The following VPS11 variants were observed in gnomAD, a reference collection of about 807,000 sequenced individuals.
The protein encoded by VPS11 is vacuolar protein sorting-associated protein 11 homolog.
VPS11 carries 51 observed loss-of-function variants against 106.8 expected under a neutral mutation model. The ratio of observed to expected loss-of-function variants is 0.48; its 90% CI spans 0.38 to 0.60. The LOEUF (loss-of-function observed/expected upper bound fraction) is 0.60, where lower values mean the gene tolerates loss of function less well. Ranked by LOEUF, VPS11 falls within the 20% of genes least tolerant of loss-of-function variation. VPS11 has a pLI of 0.00. For synonymous variants in VPS11, 453 were observed against 458.7 expected (o/e 0.99, Z 0.16); for missense variants, 950 against 1,190.0 (o/e 0.80, Z 2.97).
In VPS11 at chr11:119,073,887, A is replaced by T; in HGVS notation, c.1174A>T (p.Met392Leu). Residue 392 changes from methionine to leucine, a missense_variant, in exon 7 of 16, where the codon ATG (methionine) becomes TTG (leucine). Met to Leu is a conservative substitution (Grantham distance 15). Coordinates refer to ENST00000621676, the MANE Select transcript of VPS11 (RefSeq NM_021729.6). Reference protein sequence around the residue: ...LDSDGLAQIFMQYGDHLYSKG... With the variant: ...LDSDGLAQIFLQYGDHLYSKG... ...CAGTGATGGGCTGGCCCAGATTTTC[A>T]TGCAGTATGGAGACCATCTCTACAG... 6.2e-7 allele frequency: 1 copy of T among 1,613,922 alleles called. No homozygotes were observed. The highest frequency in any genetic ancestry group is 1.1e-5 in the South Asian group (1 of 91,074).
At chr11:119,070,003 T>TAAATAAATAAATAAATAAAG in intron 3 of VPS11, among the ~76,000 whole-genome samples, 1 of 149,836 alleles carries the variant, frequency 6.7e-6, no homozygotes, top group Non-Finnish European at 1.5e-5. Context: ...TGTCTCAAAA[T>TAAATAAATAAATAAATAAAG]AAATAAATAA....
intron 7 of VPS11, 184 bp from the exon 8 acceptor site, chr11:119,076,713 G>A: frequency 1.5e-6 from 1 of 657,962 alleles, no homozygotes; most frequent in Non-Finnish European, 2.5e-6. Context: ...GTTACCCAGT[G>A]TGGTCCACAG....
Position 119,081,848 on chromosome 11 carries a change from G to A in VPS11, c.*225G>A. The A allele has an allele frequency of 1.7e-6, 1 of 583,810 alleles. No homozygotes were observed. Among genetic ancestry groups the A allele is most frequent in the Non-Finnish European group, 2.9e-6 (1 of 347,172 alleles). 36.2% of individuals were successfully genotyped at this position (583,810 alleles called of 1,614,324 possible). A position where few individuals can be genotyped will look rare whatever the true frequency, so the allele number is the denominator to read the frequency against. ...AGTGTAGATCATTCCAGATCAGTGG[G>A]GGAGGGCACCTCAGCAACCTCTGAG... On this transcript the variant is annotated 3_prime_UTR_variant, in exon 16 of 16. Coordinates refer to ENST00000621676, the MANE Select transcript of VPS11 (RefSeq NM_021729.6).
chr11:119,071,150 G>T (rs901911684), intron 4 of VPS11, among the ~76,000 whole-genome samples: 2 of 151,414 alleles, frequency 1.3e-5, no homozygotes, highest in African/African-American at 4.9e-5. Flanking sequence ...GGCTGATCTC[G>T]AACTCCTGGG....
chr11:119,068,773 C>G (rs1016102325), intron 1 of VPS11, among the ~76,000 whole-genome samples: 3 of 143,692 alleles, frequency 2.1e-5, no homozygotes, highest in African/African-American at 7.8e-5. Context: ...TTTTTTGAGA[C>G]GGACTTTCAC....
chr11:119,075,334 C>G (rs558030148), intron 7 of VPS11, among the ~76,000 whole-genome samples: 1 of 151,700 alleles, frequency 6.6e-6, no homozygotes, highest in Non-Finnish European at 1.5e-5. Flanking sequence ...TTTGGGAGAC[C>G]GAGGTGGGAG....
At position 119,077,642 on chromosome 11, in the gene VPS11, A is replaced by C. The variant is rs782140171; in HGVS notation, c.1567A>C (p.Ile523Leu). ...EWYLKIQLED[I>L]KNYQEALRYI... Reference sequence around the variant, plus strand: ...GTACCTGAAGATCCAGCTAGAAGACATTAAGGTAGGTGAGACTGTCTTTTT... The same window carrying C: ...GTACCTGAAGATCCAGCTAGAAGACCTTAAGGTAGGTGAGACTGTCTTTTT... Residue 523 changes from isoleucine to leucine, a missense_variant, in exon 9 of 16, where the codon ATT becomes CTT. Transcript: ENST00000621676. The C allele has an allele frequency of 6.3e-7, 1 of 1,596,018 alleles. No homozygotes were observed. The highest frequency in any genetic ancestry group is 8.5e-7 in the Non-Finnish European group (1 of 1,170,798).
chr11:119,081,421 A>T (rs912349620), intron 15 of VPS11, 38 bp from the exon 16 acceptor site: 28 of 1,613,232 alleles, frequency 1.7e-5, no homozygotes, highest in Non-Finnish European at 2.3e-5. Flanking sequence ...AAGCACTTTG[A>T]TTCTGATTCG....
At chr11:119,071,955 T>G in intron 5 of VPS11, 112 bp downstream of exon 5, 7 of 1,391,388 alleles carry the variant, frequency 5.0e-6, no homozygotes, top group South Asian at 1.4e-5. Flanking sequence ...CCTACTCCGG[T>G]GTTATGTAGG....
chr11:119,074,720 A>T (rs918974753), intron 7 of VPS11, among the ~76,000 whole-genome samples: 12 of 152,232 alleles, frequency 7.9e-5, no homozygotes, highest in African/African-American at 2.6e-4. Flanking sequence ...AATTTTCTTT[A>T]TAAGAACTAT....
intron 7 of VPS11, among the ~76,000 whole-genome samples, chr11:119,075,741 TA>T (rs540617210): frequency 3.8e-4 from 55 of 144,612 alleles, no homozygotes; most frequent in African/African-American, 2.8e-4. Context: ...AATCCCATCT[TA>T]AAAAAAAAAA....
At chr11:119,072,115 G>GCCA in intron 5 of VPS11, 2 of 343,162 alleles carry the variant, frequency 5.8e-6, no homozygotes, top group Non-Finnish European at 1.1e-5. Context: ...ACAGGCATGT[G>GCCA]CCACCACGCC....
At chr11:119,068,264 A>G in intron 1 of VPS11, 3 of 410,782 alleles carry the variant, frequency 7.3e-6, no homozygotes, top group Middle Eastern at 6.2e-4. Context: ...GTGCATGCCA[A>G]TTTGACGAGG....
intron 8 of VPS11, among the ~76,000 whole-genome samples, 173 bp from the exon 9 acceptor site, chr11:119,077,328 G>A (rs749408598): frequency 2.0e-5 from 3 of 152,182 alleles, no homozygotes; most frequent in Non-Finnish European, 4.4e-5. Context: ...TCCCTCTAAT[G>A]GTAGGGGCAG....
At position 119,081,072 on chromosome 11, in the gene VPS11, C is replaced by T; in HGVS notation, c.2439-20C>T. 1.2e-6 allele frequency: 2 copies of T among 1,609,304 alleles called. No homozygotes were observed. Among genetic ancestry groups the T allele is most frequent in the Middle Eastern group, 1.7e-4 (1 of 6,044 alleles). On this transcript the variant is annotated intron_variant, in intron 14 of 15. Coordinates refer to ENST00000621676, the MANE Select transcript of VPS11 (RefSeq NM_021729.6). ...TTGCCCTCACTTTTGCCACTCACTTCTGGTCTTTCTTCCCTGTAGTCCTAA... is the reference window on the plus strand; with the variant it reads ...TTGCCCTCACTTTTGCCACTCACTTTTGGTCTTTCTTCCCTGTAGTCCTAA...
chr11:119,071,958 T>TA, intron 5 of VPS11, 115 bp downstream of exon 5: 2 of 1,381,046 alleles, frequency 1.4e-6, no homozygotes, highest in South Asian at 2.8e-5. Context: ...ACTCCGGTGT[T>TA]ATGTAGGTAA....
chr11:119,078,152 T>C (rs1478027269), intron 10 of VPS11, 21 bp from the exon 11 acceptor site: 1 of 1,611,722 alleles, frequency 6.2e-7, no homozygotes, highest in African/African-American at 1.3e-5. Context: ...CAGCCTCCTT[T>C]TTCCTCTCTT....
At chr11:119,068,651 T>C (rs1945223829) in intron 1 of VPS11, among the ~76,000 whole-genome samples, 1 of 152,050 alleles carries the variant, frequency 6.6e-6, no homozygotes, top group African/African-American at 2.4e-5. Context: ...TTTCACCATA[T>C]TGGCCAGGCT....
Position 119,077,889 on chromosome 11 carries a change from A to T in VPS11, c.1584A>T (p.Glu528Asp). ...TTACTTTTCCACAGAATTATCAGGAAGCCCTTCGATACATCGGCAAGCTGC... is the reference window on the plus strand; with the variant it reads ...TTACTTTTCCACAGAATTATCAGGATGCCCTTCGATACATCGGCAAGCTGC... ...IQLEDIKNYQ[E>D]ALRYIGKLPF... Residue 528 changes from glutamate to aspartate, a missense_variant, in exon 10 of 16, where the codon GAA becomes GAT. Physicochemically the swap from Glu to Asp is conservative, Grantham distance 45. Coordinates refer to ENST00000621676, the MANE Select transcript of VPS11 (RefSeq NM_021729.6). 1 of 1,614,064 alleles carries T rather than the reference A, an allele frequency of 6.2e-7. No individual in the cohort carries two copies. The highest frequency in any genetic ancestry group is 1.3e-5 in the African/African-American group (1 of 75,072).
Sources: allele counts gnomAD v4.1 joint callset (sites outside exome capture counted in the v4.1 genomes callset), GRCh38; gene constraint gnomAD v4.1.1; transcripts MANE v1.5; gene names NCBI Gene and HGNC (gene_info 2026-07-23, HGNC 2026-07-21).